Variants in DNAAF11 observed in about 807,000 individuals in gnomAD.
DNAAF11 encodes dynein axonemal assembly factor 11.
Under a neutral mutation model 60.8 loss-of-function variants are expected in DNAAF11, and 45 were observed. The ratio of observed to expected loss-of-function variants is 0.74; its 90% CI spans 0.58 to 0.95. DNAAF11 has a LOEUF of 0.95. DNAAF11 is among the 40% of genes least tolerant of loss of function. The pLI, the probability that DNAAF11 is intolerant of heterozygous loss-of-function variation, is 0.00. For synonymous variants in DNAAF11, 191 were observed against 183.5 expected (o/e 1.04, Z -0.33); for missense variants, 546 against 546.2 (o/e 1.00, Z 0.00).
At chr8:132,623,879 G>T (rs1440675563) in intron 6 of DNAAF11, among the ~76,000 whole-genome samples, 1 of 152,072 alleles carries the variant, frequency 6.6e-6, no homozygotes, top group African/African-American at 2.4e-5. Flanking sequence ...AGGAACAAAA[G>T]ATTTCTTTTG....
chr8:132,685,532 T>C, the DNAAF11 span, among the ~76,000 whole-genome samples: 1 of 152,172 alleles, frequency 6.6e-6, no homozygotes, highest in Non-Finnish European at 1.5e-5. Context: ...TGAGAAGACT[T>C]TGTCATATCA....
the DNAAF11 span, among the ~76,000 whole-genome samples, chr8:132,700,299 G>A: frequency 6.6e-6 from 1 of 152,290 alleles, no homozygotes; most frequent in Non-Finnish European, 1.5e-5. Flanking sequence ...GGAGAAGCCA[G>A]CAGGAATGAG....
the DNAAF11 span, chr8:132,687,654 T>C: frequency 2.2e-6 from 1 of 456,220 alleles, no homozygotes; most frequent in Admixed American, 2.3e-5. Flanking sequence ...GCATTGTTGT[T>C]TCTGTTTTGC....
At chr8:132,599,614 T>C (rs1564000486) in intron 10 of DNAAF11, among the ~76,000 whole-genome samples, 1 of 152,094 alleles carries the variant, frequency 6.6e-6, no homozygotes, top group African/African-American at 2.4e-5. Context: ...GCAAGGCTGG[T>C]TCAACATATG....
At chr8:132,631,224 T>C (rs1267231805) in intron 5 of DNAAF11, among the ~76,000 whole-genome samples, 1 of 152,092 alleles carries the variant, frequency 6.6e-6, no homozygotes, top group Non-Finnish European at 1.5e-5. Flanking sequence ...GAAATGGGAA[T>C]AGGGAAAACA....
the DNAAF11 span, among the ~76,000 whole-genome samples, chr8:132,695,591 G>C: frequency 6.6e-6 from 1 of 152,158 alleles, no homozygotes; most frequent in Admixed American, 6.5e-5. Flanking sequence ...GACTGGGCGA[G>C]GAGGTACTGA....
chr8:132,607,430 G>A (rs929918060), intron 10 of DNAAF11, among the ~76,000 whole-genome samples: 2 of 152,084 alleles, frequency 1.3e-5, no homozygotes, highest in South Asian at 4.1e-4. Flanking sequence ...AAACCTCTTG[G>A]AACAAGGGGC....
chr8:132,637,126 T>C (rs1424420869), intron 4 of DNAAF11, among the ~76,000 whole-genome samples: 1 of 152,160 alleles, frequency 6.6e-6, no homozygotes, highest in Non-Finnish European at 1.5e-5. Context: ...TGGGGGGATA[T>C]GGTATAAGAG....
rs759877163 is a variant in DNAAF11 at position 132,615,077 on chromosome 8, T to G, written c.935A>C (p.Asp312Ala). Residue 312 changes from aspartate to alanine, a missense_variant, in exon 8 of 12, where the codon GAT becomes GCT. Physicochemically the swap from Asp to Ala is moderately radical, Grantham distance 126. Transcript: ENST00000620350. The stretch of plus-strand genomic sequence containing the variant: ...GTCCAGGATGATCTGCTTTTCGTTA[T>G]CTTTCAAAGAGAAGTCAATTCTAAG... Reference protein sequence around the residue: ...NEPKIDFSLKDNEKQIILDLA... With the variant: ...NEPKIDFSLKANEKQIILDLA... 1.2e-6 allele frequency: 2 copies of G among 1,607,950 alleles called. No individual in the cohort carries two copies. Among genetic ancestry groups the G allele is most frequent in the South Asian group, 2.2e-5 (2 of 90,732 alleles).
At chr8:132,619,780 G>A (rs973349115) in intron 7 of DNAAF11, among the ~76,000 whole-genome samples, 1 of 152,220 alleles carries the variant, frequency 6.6e-6, no homozygotes, top group Non-Finnish European at 1.5e-5. Flanking sequence ...ATCTAGCAGA[G>A]TGGAGAGAAC....
the DNAAF11 span, among the ~76,000 whole-genome samples, chr8:132,701,596 A>G: frequency 2.0e-5 from 3 of 152,200 alleles, no homozygotes; most frequent in Non-Finnish European, 2.9e-5. Flanking sequence ...AACAAAAAAT[A>G]AGGGAGGAAG....
chr8:132,573,388 C>T (rs555116455), intron 11 of DNAAF11, among the ~76,000 whole-genome samples: 2 of 152,288 alleles, frequency 1.3e-5, no homozygotes, highest in East Asian at 3.9e-4. Context: ...AGACAATGTT[C>T]CTGGTAATAT....
rs1563638237 is a variant in DNAAF11 at position 132,622,694 on chromosome 8, G to C, written c.837-6C>G. On this transcript the variant is annotated splice_polypyrimidine_tract_variant and splice_region_variant and intron_variant, in intron 6 of 11. Transcript: ENST00000620350. The stretch of plus-strand genomic sequence containing the variant: ...TCACTTTCTTCTTTTTTTCACTTAA[G>C]ATTGGTGGTGGATGAGAACAATGGG... The C allele has an allele frequency of 6.2e-7, 1 of 1,603,624 alleles. No individual in the cohort carries two copies.
chr8:132,617,912 C>T lies in DNAAF11; in HGVS notation c.915-2815G>A, dbSNP rs532462864. Reference sequence around the variant, plus strand: ...ATTCAATGCCATCCCCATCAAGCTACCAATGACTTTCTTCACAGAATTGGA... The same window carrying T: ...ATTCAATGCCATCCCCATCAAGCTATCAATGACTTTCTTCACAGAATTGGA... On this transcript the variant is annotated intron_variant, in intron 7 of 11. Transcript: ENST00000620350. 2.1e-3 allele frequency among the ~76,000 whole-genome samples: 319 copies of T among 149,680 alleles called. 1 individual carries two copies. Among genetic ancestry groups the T allele is most frequent in the Non-Finnish European group, 3.4e-3 (230 of 67,522 alleles).
intron 10 of DNAAF11, among the ~76,000 whole-genome samples, chr8:132,602,765 A>G (rs1817762150): frequency 6.6e-6 from 1 of 150,710 alleles, no homozygotes; most frequent in South Asian, 2.1e-4. Context: ...ATATATATAT[A>G]TATACACACA....
chr8:132,697,778 G>C, the DNAAF11 span, among the ~76,000 whole-genome samples: 1 of 152,076 alleles, frequency 6.6e-6, no homozygotes, highest in Non-Finnish European at 1.5e-5. Flanking sequence ...GAAATGAGGA[G>C]TTAGTATTTG....
chr8:132,572,469 A>C lies in DNAAF11; in HGVS notation c.1238T>G (p.Met413Arg). Residue 413 changes from methionine to arginine, a missense_variant, in exon 12 of 12, where the codon ATG becomes AGG. Coordinates refer to ENST00000620350, the MANE Select transcript of DNAAF11 (RefSeq NM_012472.6). ...REQTNTRSKH[M>R]EKLEVDPSKH... Reference sequence around the variant, plus strand: ...GCTAGGGTCTACTTCTAGTTTCTCCATGTGCTTGCTTCTATAACAACAAAA... The same window carrying C: ...GCTAGGGTCTACTTCTAGTTTCTCCCTGTGCTTGCTTCTATAACAACAAAA... The C allele has an allele frequency of 9.4e-6, 15 of 1,595,570 alleles. No individual in the cohort carries two copies. The highest frequency in any genetic ancestry group is 1.3e-5 in the Non-Finnish European group (15 of 1,172,318).
At chr8:132,622,573 A>C in intron 7 of DNAAF11, 38 bp downstream of exon 7, 2 of 1,485,302 alleles carry the variant, frequency 1.3e-6, no homozygotes, top group Non-Finnish European at 1.9e-6. Flanking sequence ...ATTGACTGAC[A>C]CTTTTGGGTC....
chr8:132,603,593 T>TG (rs1817847753), intron 10 of DNAAF11, among the ~76,000 whole-genome samples: 1 of 146,052 alleles, frequency 6.8e-6, no homozygotes, highest in African/African-American at 2.5e-5. Flanking sequence ...GATGTTTTAG[T>TG]GGGGGGTGGG....
Sources: allele counts gnomAD v4.1 joint callset (sites outside exome capture counted in the v4.1 genomes callset), GRCh38; gene constraint gnomAD v4.1.1; transcripts MANE v1.5; gene names NCBI Gene and HGNC (gene_info 2026-07-23, HGNC 2026-07-21).